CACNA1C: variants seen among roughly 807,000 people sequenced by gnomAD.
CACNA1C encodes the protein calcium voltage-gated channel subunit alpha1 C, also known as voltage-dependent L-type calcium channel subunit alpha-1C.
A neutral mutation model predicts 229.0 loss-of-function variants in CACNA1C; 30 were observed. That is an observed-to-expected ratio of 0.13 (90% CI 0.10 to 0.18). The LOEUF (loss-of-function observed/expected upper bound fraction) is 0.18, where lower values mean the gene tolerates loss of function less well. Ranked by LOEUF, CACNA1C falls within the 10% of genes least tolerant of loss-of-function variation. The pLI is 1.00. For synonymous variants in CACNA1C, 1,114 were observed against 1,132.5 expected, an observed-to-expected ratio of 0.98 and a Z score of 0.33; for missense variants, 1,658 against 2,845.0, an observed-to-expected ratio of 0.58 and a Z score of 9.49.
chr12:2,111,185 C>T (rs1332508038), intron 1 of CACNA1C, among the ~76,000 whole-genome samples: 2 of 152,234 alleles, frequency 1.3e-5, no homozygotes, highest in African/African-American at 2.4e-5. Context: ...TATGTGCTTT[C>T]TCCAGATGGT....
In CACNA1C at chr12:2,540,090, C is replaced by T. The variant is rs923840065; in HGVS notation, c.1391-9853C>T. ...AACCCTGTGTGCTGCAGTTGGGGAGCGAACGCCCCACCTCTCTCTCCTCGG... is the reference window on the plus strand; with the variant it reads ...AACCCTGTGTGCTGCAGTTGGGGAGTGAACGCCCCACCTCTCTCTCCTCGG... On this transcript the variant is annotated intron_variant, in intron 9 of 46. Transcript: ENST00000399655. Among the ~76,000 whole-genome samples, 60 of 152,116 alleles carry T rather than the reference C, an allele frequency of 3.9e-4. 1 individual carries two copies. Among genetic ancestry groups the T allele is most frequent in the African/African-American group, 1.3e-3 (52 of 41,424 alleles).
At chr12:2,050,844 G>C (rs997184143), upstream of CACNA1C, among the ~76,000 whole-genome samples, 5 of 152,122 alleles carry the variant, frequency 3.3e-5, no homozygotes, top group South Asian at 2.1e-4. Flanking sequence ...ACCAAGGGAC[G>C]GACAGATGCA....
chr12:2,238,066 G>A (rs1245114445), intron 3 of CACNA1C, among the ~76,000 whole-genome samples: 1 of 152,196 alleles, frequency 6.6e-6, no homozygotes, highest in Non-Finnish European at 1.5e-5. Flanking sequence ...AATCCCACGG[G>A]TGGCAGAGAC....
chr12:2,671,480 T>C (rs557185025), intron 38 of CACNA1C, among the ~76,000 whole-genome samples: 2 of 152,296 alleles, frequency 1.3e-5, no homozygotes, highest in South Asian at 4.2e-4. Flanking sequence ...GGAATGTTAC[T>C]CCCCTATGTT....
chr12:2,235,251 G>C (rs2066897104), intron 3 of CACNA1C, among the ~76,000 whole-genome samples: 1 of 152,166 alleles, frequency 6.6e-6, no homozygotes, highest in South Asian at 2.1e-4. Flanking sequence ...TCAGAATTCT[G>C]ATTCCACAGA....
intron 13 of CACNA1C, among the ~76,000 whole-genome samples, chr12:2,579,493 G>A (rs2059774572): frequency 6.6e-6 from 1 of 152,080 alleles, no homozygotes; most frequent in African/African-American, 2.4e-5. Context: ...AGAGATTAGG[G>A]TTTCATGGTG....
At chr12:2,550,428 TG>T in intron 10 of CACNA1C, 1 of 849,346 alleles carries the variant, frequency 1.2e-6, no homozygotes, top group Non-Finnish European at 1.7e-6. Context: ...TGAGTCCTGC[TG>T]GCCACCCTTT....
intron 3 of CACNA1C, among the ~76,000 whole-genome samples, chr12:2,239,839 G>A (rs1436091439): frequency 6.6e-6 from 1 of 152,222 alleles, no homozygotes; most frequent in Non-Finnish European, 1.5e-5. Context: ...GGTGAAGGCT[G>A]AGGATGCCCA....
chr12:2,555,771 G>T (rs733993), intron 10 of CACNA1C, among the ~76,000 whole-genome samples: 2 of 152,290 alleles, frequency 1.3e-5, no homozygotes, highest in East Asian at 3.9e-4. Context: ...TCTCATGCAC[G>T]ATGGCTTTGC....
chr12:2,402,867 T>A lies in CACNA1C; in HGVS notation c.478-46109T>A, dbSNP rs954453266. Among the ~76,000 whole-genome samples the A allele has an allele frequency of 3.3e-5, 5 of 152,248 alleles. No homozygotes were observed. In the East Asian group the frequency reaches 9.6e-4, roughly 29 times the overall value. On this transcript the variant is annotated intron_variant, in intron 3 of 46. Transcript: ENST00000399655. ...AGGATTTATTCCTTAGGTTATGATT[T>A]AAGCCATATCAATTATAATACCTTA...
At chr12:2,225,965 T>G (rs1382184399) in intron 3 of CACNA1C, among the ~76,000 whole-genome samples, 1 of 152,098 alleles carries the variant, frequency 6.6e-6, no homozygotes, top group African/African-American at 2.4e-5. Flanking sequence ...TCCCCATCAG[T>G]TACACACTTT....
At chr12:2,188,187 C>T (rs11062145) in intron 3 of CACNA1C, among the ~76,000 whole-genome samples, 54,029 of 152,132 alleles carry the variant, frequency 0.36, 9,930 homozygotes, top group South Asian at 0.39. Flanking sequence ...AGATAGTTGG[C>T]AACTCTGCCT....
intron 3 of CACNA1C, among the ~76,000 whole-genome samples, chr12:2,163,405 AG>A (rs1488182206): frequency 1.3e-5 from 2 of 151,984 alleles, no homozygotes; most frequent in Non-Finnish European, 2.9e-5. Context: ...TGGCCAAGGC[AG>A]GGTGTAATCT....
chr12:2,036,096 A>G (rs930142128), intron 1 of CACNA1C, among the ~76,000 whole-genome samples: 6 of 152,234 alleles, frequency 3.9e-5, no homozygotes, highest in Non-Finnish European at 8.8e-5. Flanking sequence ...GACTTCTCAA[A>G]TGTCATAGCT....
At chr12:2,183,778 C>T (rs1038123565) in intron 3 of CACNA1C, among the ~76,000 whole-genome samples, 4 of 152,214 alleles carry the variant, frequency 2.6e-5, no homozygotes, top group African/African-American at 7.2e-5. Flanking sequence ...TGGTTAGTCA[C>T]GGGGCTCTCC....
At chr12:2,282,233 G>A (rs952720957) in intron 3 of CACNA1C, among the ~76,000 whole-genome samples, 5 of 152,122 alleles carry the variant, frequency 3.3e-5, no homozygotes, top group African/African-American at 1.2e-4. Flanking sequence ...TGGAATTTGG[G>A]GGACTTCGCA....
intron 3 of CACNA1C, among the ~76,000 whole-genome samples, chr12:2,353,242 G>A (rs1206437862): frequency 6.6e-6 from 1 of 152,130 alleles, no homozygotes; most frequent in African/African-American, 2.4e-5. Flanking sequence ...AGGGAGAGAT[G>A]CTGGCCTATG....
chr12:1,971,378 A>C lies in CACNA1C; in HGVS notation c.139+177A>C, dbSNP rs991819538. On this transcript the variant is annotated intron_variant, in intron 1 of 46. Coordinates refer to the CACNA1C transcript ENST00000682462. The surrounding 1 kb of genome is among the most constrained non-coding windows in gnomAD (Gnocchi z 4.2). ...GCCTGTAACTGCACTATCCTGGTTT[A>C]TGCCGTTCTTTGGAAATTCTCAATT... Among the ~76,000 whole-genome samples, 12 of 152,216 alleles carry C rather than the reference A, an allele frequency of 7.9e-5. No homozygotes were observed. Among genetic ancestry groups the C allele is most frequent in the African/African-American group, 2.9e-4 (12 of 41,456 alleles).
At chr12:2,568,595 A>G (rs889675021) in intron 13 of CACNA1C, among the ~76,000 whole-genome samples, 1 of 152,244 alleles carries the variant, frequency 6.6e-6, no homozygotes, top group African/African-American at 2.4e-5. Flanking sequence ...TTAAAAAGGA[A>G]GGAAATCCTG....
Sources: allele counts gnomAD v4.1 joint callset (sites outside exome capture counted in the v4.1 genomes callset), GRCh38; gene constraint gnomAD v4.1.1; non-coding constraint Gnocchi (gnomAD v3.1); transcripts MANE v1.5; gene names NCBI Gene and HGNC (gene_info 2026-07-23, HGNC 2026-07-21).